Variants in TNFSF13B observed in about 807,000 individuals in gnomAD.
TNFSF13B encodes tumor necrosis factor ligand superfamily member 13B.
In TNFSF13B, 8 loss-of-function variants were observed where a neutral mutation model predicts 29.1. The observed-to-expected ratio is 0.27, with a 90% confidence interval of 0.16 to 0.50. The LOEUF is 0.50. TNFSF13B is among the 20% of genes least tolerant of loss of function. The pLI is 0.98. For missense variants in TNFSF13B, 248 were observed against 334.9 expected, an observed-to-expected ratio of 0.74 and a Z score of 2.03; for synonymous variants, 125 against 130.8, an observed-to-expected ratio of 0.96 and a Z score of 0.30.
At chr13:108,280,069 C>CTTTT (rs35086854) in intron 2 of TNFSF13B, among the ~76,000 whole-genome samples, 17 of 120,026 alleles carry the variant, frequency 1.4e-4, no homozygotes, top group African/African-American at 5.2e-4. Flanking sequence ...ATGGCGTCTG[C>CTTTT]TTTTTTTTTT....
At chr13:108,273,549 T>C (rs529889105) in intron 2 of TNFSF13B, among the ~76,000 whole-genome samples, 9 of 152,314 alleles carry the variant, frequency 5.9e-5, no homozygotes, top group African/African-American at 2.2e-4. Context: ...CTGTGGTACA[T>C]ACTGTACTAC....
intron 3 of TNFSF13B, 136 bp from the exon 4 acceptor site, chr13:108,303,115 CCT>C (rs1555313704): frequency 1.2e-5 from 8 of 684,472 alleles, no homozygotes; most frequent in Middle Eastern, 3.8e-4. Flanking sequence ...ATTCCTTTTT[CCT>C]TTTTTTTCTT....
intron 2 of TNFSF13B, among the ~76,000 whole-genome samples, chr13:108,271,014 G>A (rs1295124732): frequency 2.6e-5 from 4 of 151,000 alleles, no homozygotes; most frequent in Middle Eastern, 3.4e-3. Context: ...TTTAAGGTAC[G>A]CTTTTCCAGG....
chr13:108,276,701 A>G (rs1000641980), intron 2 of TNFSF13B, among the ~76,000 whole-genome samples: 1 of 152,174 alleles, frequency 6.6e-6, no homozygotes, highest in Non-Finnish European at 1.5e-5. Flanking sequence ...TTGAATGGAG[A>G]GGCCAGGTTC....
Position 108,270,294 on chromosome 13 carries a change from T to C in TNFSF13B, c.340-46T>C, listed in dbSNP as rs777931896. On this transcript the variant is annotated intron_variant, in intron 1 of 5. Transcript: ENST00000375887. ...TCCTGCCTACACTGCTGCCTCTCCC[T>C]CGCCTCAGCTGTCTTTCTAATAACT... 1.5e-5 allele frequency: 24 copies of C among 1,613,506 alleles called. No homozygotes were observed. In the Admixed American group the frequency reaches 4.0e-4, roughly 27 times the overall value.
At chr13:108,286,986 C>CT (rs1328639293) in intron 3 of TNFSF13B, 127 bp downstream of exon 3, 2 of 419,442 alleles carry the variant, frequency 4.8e-6, no homozygotes, top group Admixed American at 3.6e-5. Context: ...AGTTCATGTC[C>CT]TTTGTAGGGA....
At chr13:108,282,780 C>T (rs1268168366) in intron 2 of TNFSF13B, among the ~76,000 whole-genome samples, 1 of 152,130 alleles carries the variant, frequency 6.6e-6, no homozygotes, top group Non-Finnish European at 1.5e-5. Flanking sequence ...AATGTATATT[C>T]AGAAATGTGT....
At chr13:108,272,263 G>A (rs1880640548) in intron 2 of TNFSF13B, among the ~76,000 whole-genome samples, 2 of 151,552 alleles carry the variant, frequency 1.3e-5, no homozygotes, top group South Asian at 4.2e-4. Context: ...TTATAATTTT[G>A]GATAAGCTCT....
At chr13:108,297,764 C>T (rs1881494755) in intron 3 of TNFSF13B, among the ~76,000 whole-genome samples, 1 of 145,534 alleles carries the variant, frequency 6.9e-6, no homozygotes, top group Admixed American at 6.8e-5. Flanking sequence ...TTATCAAAAT[C>T]CCCCACCAGA....
At chr13:108,275,221 C>T (rs541518525) in intron 2 of TNFSF13B, among the ~76,000 whole-genome samples, 24 of 152,018 alleles carry the variant, frequency 1.6e-4, no homozygotes, top group South Asian at 1.5e-3. Flanking sequence ...GAAAATATTA[C>T]GTAATAAAAT....
At chr13:108,299,530 A>C (rs2139066641) in intron 3 of TNFSF13B, among the ~76,000 whole-genome samples, 1 of 152,024 alleles carries the variant, frequency 6.6e-6, no homozygotes, top group South Asian at 2.1e-4. Context: ...CTGTGTGGAC[A>C]CAGGAGTCCT....
chr13:108,295,000 T>C (rs1881426629), intron 3 of TNFSF13B, among the ~76,000 whole-genome samples: 2 of 145,542 alleles, frequency 1.4e-5, no homozygotes, highest in South Asian at 4.3e-4. Flanking sequence ...AGTACAATTA[T>C]TATAAATAAT....
intron 3 of TNFSF13B, 96 bp from the exon 4 acceptor site, chr13:108,303,157 T>C (rs570146026): frequency 1.2e-6 from 1 of 806,798 alleles, no homozygotes; most frequent in Admixed American, 2.9e-5. Flanking sequence ...TAGGATGGAA[T>C]TATCTTCTAA....
At chr13:108,271,692 G>A (rs16972201) in intron 2 of TNFSF13B, among the ~76,000 whole-genome samples, 4,714 of 151,838 alleles carry the variant, frequency 0.031, 268 homozygotes, top group East Asian at 0.14. Context: ...TATTTTTATC[G>A]TCTGCATTTT....
In TNFSF13B at chr13:108,270,235, G is replaced by A; in HGVS notation, c.339+1G>A. The A allele has an allele frequency of 6.2e-7, 1 of 1,607,460 alleles. No homozygotes were observed. The highest frequency in any genetic ancestry group is 8.5e-7 in the Non-Finnish European group (1 of 1,177,986). On this transcript the variant is annotated splice_donor_variant, in intron 1 of 5. Coordinates refer to ENST00000375887, the MANE Select transcript of TNFSF13B (RefSeq NM_006573.5). LOFTEE classifies it high-confidence loss of function. Reference sequence around the variant, plus strand: ...TCCAGCTGTCACCGCGGGACTGAAAGTGAGTTTGCAGCAGCTGCAAGACGC... The same window carrying A: ...TCCAGCTGTCACCGCGGGACTGAAAATGAGTTTGCAGCAGCTGCAAGACGC...
chr13:108,300,364 C>T (rs1370239004), intron 3 of TNFSF13B, among the ~76,000 whole-genome samples: 2 of 152,076 alleles, frequency 1.3e-5, no homozygotes, highest in Non-Finnish European at 2.9e-5. Flanking sequence ...ACATAAATGG[C>T]CCTTTAGCTC....
chr13:108,295,549 CT>C (rs1177164392), intron 3 of TNFSF13B, among the ~76,000 whole-genome samples: 1 of 144,502 alleles, frequency 6.9e-6, no homozygotes, highest in African/African-American at 2.6e-5. Context: ...ATTATATTAT[CT>C]GATCTTTATT....
At position 108,305,361 on chromosome 13, in the gene TNFSF13B, T is replaced by C. The variant is rs568470118; in HGVS notation, c.746-1465T>C. Among the ~76,000 whole-genome samples, 38 of 152,280 alleles carry C rather than the reference T, an allele frequency of 2.5e-4. 1 individual carries two copies. In the East Asian group the frequency reaches 6.4e-3, roughly 25 times the overall value. ...ATATACCTAAAGCTGAATCTTATTATTTATTGTATTAATAAAATGTTTATT... is the reference window on the plus strand; with the variant it reads ...ATATACCTAAAGCTGAATCTTATTACTTATTGTATTAATAAAATGTTTATT... On this transcript the variant is annotated intron_variant, in intron 5 of 5. Transcript: ENST00000375887.
chr13:108,294,324 C>T lies in TNFSF13B; in HGVS notation c.481+7465C>T, dbSNP rs75811045. ...CCTCCCGAGTAGCTGGGATTACAGGCGCCTGCCACCACACCCAGCTAATTT... is the reference window on the plus strand; with the variant it reads ...CCTCCCGAGTAGCTGGGATTACAGGTGCCTGCCACCACACCCAGCTAATTT... On this transcript the variant is annotated intron_variant, in intron 3 of 5. Transcript: ENST00000375887. Among the ~76,000 whole-genome samples the T allele has an allele frequency of 9.5e-3, 1,439 of 151,856 alleles. 15 individuals are homozygous for T. The highest frequency in any genetic ancestry group is 0.033 in the African/African-American group (1,360 of 41,430).
Sources: allele counts gnomAD v4.1 joint callset (sites outside exome capture counted in the v4.1 genomes callset), GRCh38; gene constraint gnomAD v4.1.1; transcripts MANE v1.5; gene names NCBI Gene and HGNC (gene_info 2026-07-23, HGNC 2026-07-21).